DCBLD2: variants seen among roughly 807,000 people sequenced by gnomAD.
DCBLD2 encodes discoidin, CUB and LCCL domain-containing protein 2.
Under a neutral mutation model 86.8 loss-of-function variants are expected in DCBLD2, and 54 were observed. The observed-to-expected ratio is 0.62, with a 90% CI of 0.50 to 0.78. The LOEUF is 0.78. DCBLD2 is among the 30% of genes least tolerant of loss of function. The pLI, the probability that DCBLD2 is intolerant of heterozygous loss-of-function variation, is 0.00. For synonymous variants in DCBLD2, 354 were observed against 341.3 expected (o/e 1.04, Z -0.41); for missense variants, 908 against 954.2 (o/e 0.95, Z 0.64).
chr3:98,823,816 T>C (rs1484911842), intron 4 of DCBLD2, among the ~76,000 whole-genome samples: 1 of 152,192 alleles, frequency 6.6e-6, no homozygotes, highest in African/African-American at 2.4e-5. Context: ...ATTAAGGAAC[T>C]GTATGCCCAT....
At chr3:98,841,204 A>G (rs935885964) in intron 3 of DCBLD2, among the ~76,000 whole-genome samples, 9 of 152,212 alleles carry the variant, frequency 5.9e-5, no homozygotes, top group African/African-American at 2.2e-4. Context: ...TGTGATTGTG[A>G]GAAAGAGCAG....
chr3:98,865,557 G>A (rs919528903), intron 2 of DCBLD2, among the ~76,000 whole-genome samples: 1 of 152,076 alleles, frequency 6.6e-6, no homozygotes, highest in African/African-American at 2.4e-5. Flanking sequence ...ACAGTGTATT[G>A]TATAGTTAAA....
At chr3:98,812,289 G>C (rs748664163) in intron 10 of DCBLD2, 43 bp downstream of exon 10, 2 of 1,601,884 alleles carry the variant, frequency 1.2e-6, no homozygotes, top group Non-Finnish European at 1.7e-6. Context: ...ATTTTAAATT[G>C]GCAATCCAGT....
Position 98,798,890 on chromosome 3 carries a change from A to T in DCBLD2, c.*482T>A, listed in dbSNP as rs193186507. On this transcript the variant is annotated 3_prime_UTR_variant, in exon 16 of 16. Coordinates refer to ENST00000326840, the MANE Select transcript of DCBLD2 (RefSeq NM_080927.4). ...AACAATGCTTATATCACTAATTATTAAAAAAAATCCAGAAAAGAATATAGG... is the reference window on the plus strand; with the variant it reads ...AACAATGCTTATATCACTAATTATTTAAAAAAATCCAGAAAAGAATATAGG... 199 of 152,882 alleles carry T rather than the reference A, an allele frequency of 1.3e-3. 1 individual carries two copies. The highest frequency in any genetic ancestry group is 2.1e-3 in the Non-Finnish European group (144 of 68,280). 9.5% of individuals were successfully genotyped at this position (152,882 alleles called of 1,614,324 possible).
intron 3 of DCBLD2, among the ~76,000 whole-genome samples, chr3:98,835,975 A>G (rs1189487885): frequency 2.0e-5 from 1 of 49,012 alleles, no homozygotes; most frequent in Non-Finnish European, 4.6e-5. Flanking sequence ...ATTTTTGTTT[A>G]TTCACATTGA....
intron 1 of DCBLD2, among the ~76,000 whole-genome samples, chr3:98,896,444 T>C (rs2107534629): frequency 6.6e-6 from 1 of 152,338 alleles, no homozygotes; most frequent in Admixed American, 6.5e-5. Flanking sequence ...ATACTGAATG[T>C]CTTATGATAA....
chr3:98,845,757 T>C (rs1942709846), intron 3 of DCBLD2, among the ~76,000 whole-genome samples: 1 of 152,226 alleles, frequency 6.6e-6, no homozygotes, highest in Non-Finnish European at 1.5e-5. Flanking sequence ...CTACTTCAGC[T>C]ACTCTGCTTT....
intron 9 of DCBLD2, chr3:98,816,252 A>C (rs1942021746): frequency 6.6e-6 from 1 of 151,556 alleles, no homozygotes. Flanking sequence ...AAAAAAAAAA[A>C]AAAACCAAAA....
chr3:98,882,236 C>A (rs1221569624), intron 1 of DCBLD2, among the ~76,000 whole-genome samples: 1 of 151,914 alleles, frequency 6.6e-6, no homozygotes, highest in Admixed American at 6.6e-5. Flanking sequence ...CAATTCTGAA[C>A]AAATAAAAGT....
chr3:98,861,922 TC>T (rs2107499036), intron 2 of DCBLD2, among the ~76,000 whole-genome samples: 1 of 152,018 alleles, frequency 6.6e-6, no homozygotes, highest in East Asian at 1.9e-4. Flanking sequence ...CTTCAAAAAA[TC>T]AATGAATCCA....
Position 98,885,368 on chromosome 3 carries a change from A to G in DCBLD2, c.206-3601T>C, listed in dbSNP as rs567171154. On this transcript the variant is annotated intron_variant, in intron 1 of 15. Transcript: ENST00000326840. ...AACTAAGCACCTACTGCTATGAAAT[A>G]TATGTTCAGAATACTCCAGTTCAAA... Among the ~76,000 whole-genome samples, 55 of 152,236 alleles carry G rather than the reference A, an allele frequency of 3.6e-4. 1 individual carries two copies. The highest frequency in any genetic ancestry group is 3.4e-3 in the Middle Eastern group (1 of 294).
chr3:98,865,197 A>G (rs187132134), intron 2 of DCBLD2, among the ~76,000 whole-genome samples: 23 of 152,344 alleles, frequency 1.5e-4, no homozygotes, highest in African/African-American at 1.9e-4. Flanking sequence ...AATAGCCAAG[A>G]TATGGAATCA....
chr3:98,857,621 A>G (rs1182900120), intron 2 of DCBLD2, among the ~76,000 whole-genome samples: 2 of 152,198 alleles, frequency 1.3e-5, no homozygotes, highest in Non-Finnish European at 2.9e-5. Flanking sequence ...CCTGAGCTAG[A>G]CGCAGGGTGC....
chr3:98,839,183 C>CTTTCCTTTCTTTCCTTTCTTT (rs1559781619), intron 3 of DCBLD2, among the ~76,000 whole-genome samples: 2 of 51,962 alleles, frequency 3.8e-5, no homozygotes, highest in African/African-American at 2.0e-4. Context: ...TTTCTTTCTT[C>CTTTCCTTTCTTTCCTTTCTTT]CTTCCTTCCT....
chr3:98,825,302 A>G lies in DCBLD2; in HGVS notation c.623+13T>C, dbSNP rs1942195671. 10 of 1,511,444 alleles carry G rather than the reference A, an allele frequency of 6.6e-6. No homozygotes were observed. The highest frequency in any genetic ancestry group is 8.8e-6 in the Non-Finnish European group (10 of 1,138,232). The allele number at this position is 1,511,444 out of a possible 1,614,324, so 93.6% of individuals were successfully genotyped here. On this transcript the variant is annotated intron_variant, in intron 4 of 15. Coordinates refer to ENST00000326840, the MANE Select transcript of DCBLD2 (RefSeq NM_080927.4). ...AGCAAAAAAAAAAAAAAAAGTCACAAATATAATCATACCTGAACTCAGGTT... is the reference window on the plus strand; with the variant it reads ...AGCAAAAAAAAAAAAAAAAGTCACAGATATAATCATACCTGAACTCAGGTT...
At chr3:98,819,147 T>C in intron 8 of DCBLD2, 55 bp downstream of exon 8, 1 of 1,472,498 alleles carries the variant, frequency 6.8e-7, no homozygotes, top group Non-Finnish European at 9.1e-7. Flanking sequence ...ATGTTACTAG[T>C]TTTTCAAATA....
intron 3 of DCBLD2, among the ~76,000 whole-genome samples, chr3:98,844,301 ACT>A (rs983862930): frequency 6.6e-6 from 1 of 151,532 alleles, no homozygotes; most frequent in African/African-American, 2.4e-5. Context: ...AATGACAACC[ACT>A]GTTTTTAAAT....
intron 1 of DCBLD2, among the ~76,000 whole-genome samples, chr3:98,885,725 G>A (rs1943549686): frequency 6.6e-6 from 1 of 151,266 alleles, no homozygotes; most frequent in Admixed American, 6.6e-5. Flanking sequence ...AACTAAAATT[G>A]GGAAAACATT....
In DCBLD2 at chr3:98,816,820, C is replaced by T. The variant is rs143858837; in HGVS notation, c.1212+949G>A. ...ACTTTGAGACAGAGTCTCCCTCTGT[C>T]GCCCAGGCTGGATTGCAGTGGAGTG... On this transcript the variant is annotated intron_variant, in intron 9 of 15. Coordinates refer to ENST00000326840, the MANE Select transcript of DCBLD2 (RefSeq NM_080927.4). Among the ~76,000 whole-genome samples the T allele has an allele frequency of 1.5e-4, 23 of 152,252 alleles. No individual in the cohort carries two copies. The East Asian group carries it at 2.7e-3, about 18-fold the overall frequency.
Sources: gnomAD v4.1 joint callset for allele counts (sites outside exome capture counted in the v4.1 genomes callset) on GRCh38, gnomAD v4.1.1 for gene constraint, MANE v1.5 for transcripts, NCBI Gene and HGNC (gene_info 2026-07-23, HGNC 2026-07-21) for gene names.